The following STRBP variants were observed in gnomAD, a reference collection of about 807,000 sequenced individuals.
STRBP encodes the protein spermatid perinuclear RNA binding protein.
Under a neutral mutation model 80.1 loss-of-function variants are expected in STRBP, and 13 were observed. The ratio of observed to expected loss-of-function variants is 0.16; its 90% CI spans 0.11 to 0.26. The LOEUF is 0.26. STRBP is among the 10% of genes least tolerant of loss of function. STRBP has a pLI of 1.00. For missense variants in STRBP, 485 were observed against 815.2 expected (o/e 0.59, Z 4.93); for synonymous variants, 284 against 291.2 (o/e 0.98, Z 0.25).
chr9:123,218,355 C>CT (rs10689260), intron 2 of STRBP, among the ~76,000 whole-genome samples: 5,949 of 102,390 alleles, frequency 0.058, 478 homozygotes, highest in African/African-American at 0.11. Context: ...TTAAATATGA[C>CT]TTTTTTTTTT....
chr9:123,228,513 A>G (rs1244281062), intron 2 of STRBP, among the ~76,000 whole-genome samples: 2 of 152,222 alleles, frequency 1.3e-5, no homozygotes, highest in Non-Finnish European at 1.5e-5. Context: ...CTGGAAGCCA[A>G]AAGTGAATAA....
intron 2 of STRBP, among the ~76,000 whole-genome samples, chr9:123,187,623 T>A (rs1395380247): frequency 1.3e-5 from 2 of 152,176 alleles, no homozygotes; most frequent in African/African-American, 4.8e-5. Flanking sequence ...GCATTATATA[T>A]AAAGGAATGT....
intron 6 of STRBP, among the ~76,000 whole-genome samples, chr9:123,168,969 T>A (rs978958782): frequency 6.6e-6 from 1 of 152,168 alleles, no homozygotes; most frequent in Non-Finnish European, 1.5e-5. Flanking sequence ...GTTTAAAGCA[T>A]GATTCTCACA....
At chr9:123,140,095 C>T (rs1033560927) in intron 13 of STRBP, among the ~76,000 whole-genome samples, 5 of 152,198 alleles carry the variant, frequency 3.3e-5, no homozygotes, top group Admixed American at 1.3e-4. Flanking sequence ...CTGTATTTCT[C>T]CTCTGGCCCT....
In STRBP at chr9:123,146,845, A is replaced by G; in HGVS notation, c.1338+10T>C. ...TAAGAAAGCATTGCAAAGTAAAACA[A>G]ATACTGTACCTTCACCGCTACGTGA... On this transcript the variant is annotated intron_variant, in intron 13 of 18. Transcript: ENST00000348403. 1 of 1,589,406 alleles carries G rather than the reference A, an allele frequency of 6.3e-7. No homozygotes were observed.
chr9:123,191,398 G>A (rs2038919522), intron 2 of STRBP, among the ~76,000 whole-genome samples: 1 of 152,114 alleles, frequency 6.6e-6, no homozygotes, highest in South Asian at 2.1e-4. Flanking sequence ...GCTGCAGTGA[G>A]GTGGGGGAGA....
At position 123,123,854 on chromosome 9, in the gene STRBP, C is replaced by T; in HGVS notation, c.*1743G>A. On this transcript the variant is annotated 3_prime_UTR_variant, in exon 19 of 19. Transcript: ENST00000348403. ...CTTCTCAGTGATGGCTCTGTTTCAT[C>T]CATAGGTCAGCAAAACGCATCAATG... is the stretch of plus-strand genomic sequence containing the variant. 1.0e-6 allele frequency: 1 copy of T among 985,410 alleles called. No homozygotes were observed. The highest frequency in any genetic ancestry group is 1.2e-6 in the Non-Finnish European group (1 of 829,930). The allele number at this position is 985,410 out of a possible 1,614,324, so 61.0% of individuals were successfully genotyped here. A position where few individuals can be genotyped will look rare whatever the true frequency, so the allele number is the denominator to read the frequency against.
intron 1 of STRBP, among the ~76,000 whole-genome samples, chr9:123,240,555 A>T (rs894801109): frequency 1.4e-4 from 22 of 152,370 alleles, no homozygotes; most frequent in Non-Finnish European, 2.9e-4. Context: ...CACAAAATTC[A>T]GGTTTCAGAG....
chr9:123,263,884 T>C (rs2041211698), intron 1 of STRBP, among the ~76,000 whole-genome samples: 2 of 152,188 alleles, frequency 1.3e-5, no homozygotes, highest in South Asian at 2.1e-4. Flanking sequence ...ATTTCTGATA[T>C]AAGAATTGAA....
At chr9:123,180,386 G>A (rs998277391) in intron 3 of STRBP, among the ~76,000 whole-genome samples, 2 of 152,146 alleles carry the variant, frequency 1.3e-5, no homozygotes, top group Admixed American at 1.3e-4. Flanking sequence ...AACCTTTGGT[G>A]CAAGGCCTTT....
intron 2 of STRBP, among the ~76,000 whole-genome samples, chr9:123,189,697 G>A (rs1265940265): frequency 3.3e-5 from 5 of 151,734 alleles, no homozygotes; most frequent in South Asian, 2.1e-4. Flanking sequence ...AGGGCCTGTC[G>A]TGGGGTGGGG....
rs111280857 is a variant in STRBP, at chr9:123,172,179, T to C, written c.390+1498A>G. 4.0e-3 allele frequency among the ~76,000 whole-genome samples: 609 copies of C among 152,294 alleles called. 9 individuals carry two copies. Among genetic ancestry groups the C allele is most frequent in the African/African-American group, 0.014 (574 of 41,552 alleles). The stretch of plus-strand genomic sequence containing the variant: ...CTGAGGATGAGGAATATGATCATTC[T>C]CATAAGAAACAAGATTCATGAAAGG... On this transcript the variant is annotated intron_variant, in intron 5 of 18. Coordinates refer to ENST00000348403, the MANE Select transcript of STRBP (RefSeq NM_018387.5).
intron 2 of STRBP, among the ~76,000 whole-genome samples, chr9:123,205,557 A>T (rs1316155569): frequency 6.6e-6 from 1 of 152,258 alleles, no homozygotes; most frequent in Non-Finnish European, 1.5e-5. Context: ...ACCAATTTTG[A>T]AACAAGCAAA....
At chr9:123,157,116 T>C (rs2037320767) in intron 11 of STRBP, among the ~76,000 whole-genome samples, 2 of 152,138 alleles carry the variant, frequency 1.3e-5, no homozygotes, top group South Asian at 2.1e-4. Context: ...GGAGCTATGA[T>C]TGGAACCCAG....
chr9:123,219,356 C>T (rs1216309651), intron 2 of STRBP, among the ~76,000 whole-genome samples: 1 of 152,186 alleles, frequency 6.6e-6, no homozygotes, highest in Non-Finnish European at 1.5e-5. Flanking sequence ...GGGGTTCAGA[C>T]CAAGTCACAC....
chr9:123,152,322 CAGG>C (rs1176107414), intron 11 of STRBP, among the ~76,000 whole-genome samples: 1 of 152,054 alleles, frequency 6.6e-6, no homozygotes, highest in Non-Finnish European at 1.5e-5. Flanking sequence ...AGCCGAAACA[CAGG>C]AGAATTGGTG....
At chr9:123,187,718 A>T (rs998689371) in intron 2 of STRBP, among the ~76,000 whole-genome samples, 1 of 152,240 alleles carries the variant, frequency 6.6e-6, no homozygotes, top group South Asian at 2.1e-4. Flanking sequence ...AGTTGAGTGG[A>T]AAGTGGAAAG....
chr9:123,198,519 C>T lies in STRBP; in HGVS notation c.-164-14221G>A, dbSNP rs117101323. 1.6e-3 allele frequency among the ~76,000 whole-genome samples: 236 copies of T among 152,142 alleles called. 2 individuals carry two copies. Among genetic ancestry groups the T allele is most frequent in the Non-Finnish European group, 2.0e-3 (134 of 68,014 alleles). ...CTGGATACTAGTCCTTGGTTGGACG[C>T]GTAGTTTGAAAATACTTTCACCTAT... On this transcript the variant is annotated intron_variant, in intron 2 of 18. Transcript: ENST00000348403.
rs369538735 is a variant in STRBP, at chr9:123,195,604, G to A, written c.-164-11306C>T. Among the ~76,000 whole-genome samples the A allele has an allele frequency of 3.7e-4, 56 of 152,164 alleles. 2 individuals carry two copies. The South Asian group carries it at 0.011, about 29-fold the overall frequency. Reference sequence around the variant, plus strand: ...AAATAATCCCATTTATAATGGCTGTGAATAAAACTAAATACCTAGGACTAA... The same window carrying A: ...AAATAATCCCATTTATAATGGCTGTAAATAAAACTAAATACCTAGGACTAA... On this transcript the variant is annotated intron_variant, in intron 2 of 18. Coordinates refer to ENST00000348403, the MANE Select transcript of STRBP (RefSeq NM_018387.5).
Sources: allele counts gnomAD v4.1 joint callset (sites outside exome capture counted in the v4.1 genomes callset), GRCh38; gene constraint gnomAD v4.1.1; transcripts MANE v1.5; gene names NCBI Gene and HGNC (gene_info 2026-07-23, HGNC 2026-07-21).